CSMD1: variants seen among roughly 807,000 people sequenced by gnomAD.
CSMD1 encodes CUB and Sushi multiple domains 1, also known as CUB and sushi domain-containing protein 1.
CSMD1 carries 213 observed loss-of-function variants against 417.5 expected under a neutral mutation model. That is an observed-to-expected ratio of 0.51 (90% CI 0.46 to 0.57). The LOEUF (loss-of-function observed/expected upper bound fraction) is 0.57, where lower values mean the gene tolerates loss of function less well. Among genes scored for constraint, CSMD1 ranks in the 20% least tolerant of loss-of-function variants. CSMD1 has a pLI of 0.00. For synonymous variants in CSMD1, 2,862 were observed against 1,736.8 expected (o/e 1.65, Z -16.11); for missense variants, 6,923 against 4,529.7 (o/e 1.53, Z -15.17).
intron 3 of CSMD1, among the ~76,000 whole-genome samples, chr8:4,365,864 C>T (rs529689101): frequency 6.6e-6 from 1 of 152,308 alleles, no homozygotes; most frequent in East Asian, 1.9e-4. Flanking sequence ...TAAAAATCTA[C>T]TTAAAGAGTA....
intron 18 of CSMD1, among the ~76,000 whole-genome samples, chr8:3,387,274 GA>G (rs1811061598): frequency 6.6e-6 from 1 of 152,180 alleles, no homozygotes; most frequent in Non-Finnish European, 1.5e-5. Context: ...TTCATTCGGG[GA>G]TAAAGTTGAA....
intron 23 of CSMD1, among the ~76,000 whole-genome samples, chr8:3,311,813 C>G (rs553809770): frequency 1.4e-4 from 21 of 152,108 alleles, no homozygotes; most frequent in Non-Finnish European, 1.0e-4. Context: ...TCACTGGAGA[C>G]ATGTGTAATA....
At chr8:4,610,245 T>C (rs146225312) in intron 2 of CSMD1, among the ~76,000 whole-genome samples, 227 of 152,256 alleles carry the variant, frequency 1.5e-3, no homozygotes, top group African/African-American at 5.0e-3. Flanking sequence ...AAATCCTTCA[T>C]AGAGATCAAG....
chr8:3,332,291 G>C (rs929520468), intron 23 of CSMD1, among the ~76,000 whole-genome samples: 10 of 152,356 alleles, frequency 6.6e-5, no homozygotes, highest in African/African-American at 2.4e-4. Context: ...CTTTGCATGT[G>C]AATAAGACCC....
chr8:3,322,146 G>C (rs17079953), intron 23 of CSMD1, among the ~76,000 whole-genome samples: 2,465 of 152,284 alleles, frequency 0.016, 73 homozygotes, highest in African/African-American at 0.056. Context: ...TGGTCATAAT[G>C]AGTTTGAGGA....
intron 3 of CSMD1, among the ~76,000 whole-genome samples, chr8:4,373,105 A>T (rs1802498240): frequency 6.6e-6 from 1 of 151,850 alleles, no homozygotes; most frequent in Non-Finnish European, 1.5e-5. Context: ...AAAACCCCAA[A>T]CTCCAGTCTC....
At chr8:4,682,866 G>A (rs1012128889) in intron 1 of CSMD1, among the ~76,000 whole-genome samples, 1 of 149,774 alleles carries the variant, frequency 6.7e-6, no homozygotes, top group Non-Finnish European at 1.5e-5. Context: ...CTACTAAATA[G>A]TGACTACATA....
rs117277768 is a variant in CSMD1, at chr8:4,010,855, G to A, written c.611-12745C>T. Among the ~76,000 whole-genome samples the A allele has an allele frequency of 5.9e-5, 9 of 152,244 alleles. No individual in the cohort carries two copies. The South Asian group carries it at 1.9e-3, about 32-fold the overall frequency. ...CCAAGTCCACTTTTATATCCTTGCA[G>A]GTAAAACAGCTGGAGGAATTCCAAA... On this transcript the variant is annotated intron_variant, in intron 4 of 69. Coordinates refer to ENST00000635120, the MANE Select transcript of CSMD1 (RefSeq NM_033225.6).
chr8:4,469,014 A>G (rs1310022362), intron 2 of CSMD1, among the ~76,000 whole-genome samples: 1 of 152,332 alleles, frequency 6.6e-6, no homozygotes, highest in Non-Finnish European at 1.5e-5. Flanking sequence ...AAAGGAAAAA[A>G]AGTTCAAAAG....
intron 5 of CSMD1, among the ~76,000 whole-genome samples, chr8:3,931,127 G>A (rs749082115): frequency 6.6e-6 from 1 of 150,482 alleles, no homozygotes; most frequent in African/African-American, 2.4e-5. Flanking sequence ...ATATTGCAGG[G>A]TAACCATAGA....
At chr8:3,436,108 C>G (rs75095683) in intron 12 of CSMD1, among the ~76,000 whole-genome samples, 4,134 of 152,244 alleles carry the variant, frequency 0.027, 194 homozygotes, top group African/African-American at 0.095. Context: ...GGCTCCCTCA[C>G]TCTCCAGCCC....
At chr8:2,980,183 T>C (rs746876791) in intron 54 of CSMD1, among the ~76,000 whole-genome samples, 24 of 152,234 alleles carry the variant, frequency 1.6e-4, no homozygotes, top group Non-Finnish European at 3.2e-4. Context: ...TCAAACTGTG[T>C]TTGTAATCAA....
chr8:3,786,400 G>C (rs6991444), intron 5 of CSMD1, among the ~76,000 whole-genome samples: 1 of 151,836 alleles, frequency 6.6e-6, no homozygotes, highest in Non-Finnish European at 1.5e-5. Context: ...GAAGAGGATC[G>C]AACAAGAGTT....
intron 1 of CSMD1, among the ~76,000 whole-genome samples, chr8:4,852,625 T>C (rs1457535994): frequency 1.3e-5 from 2 of 152,136 alleles, no homozygotes; most frequent in Admixed American, 6.5e-5. Flanking sequence ...CTTGAAAATA[T>C]GGAAGTGGCT....
chr8:3,435,558 C>T (rs993158076), intron 12 of CSMD1, among the ~76,000 whole-genome samples: 9 of 152,230 alleles, frequency 5.9e-5, no homozygotes, highest in South Asian at 2.1e-4. Flanking sequence ...ATGGAGACTT[C>T]GAATCAGCAC....
At chr8:3,659,528 CT>C (rs2117441373) in intron 7 of CSMD1, among the ~76,000 whole-genome samples, 1 of 152,234 alleles carries the variant, frequency 6.6e-6, no homozygotes, top group Admixed American at 6.5e-5. Context: ...GCCAGCTGTC[CT>C]GGGATGATCC....
chr8:4,399,562 C>T (rs886434221), intron 3 of CSMD1, among the ~76,000 whole-genome samples: 7 of 152,056 alleles, frequency 4.6e-5, no homozygotes, highest in Admixed American at 3.3e-4. Context: ...TGGCATAATC[C>T]CCCTTTTTTG....
chr8:2,950,080 G>T, intron 67 of CSMD1, 151 bp downstream of exon 67: 1 of 582,554 alleles, frequency 1.7e-6, no homozygotes, highest in Non-Finnish European at 3.1e-6. Context: ...GAATAAAATG[G>T]CCACTCTGTC....
chr8:3,654,030 G>C (rs1282517396), intron 7 of CSMD1, among the ~76,000 whole-genome samples: 1 of 152,092 alleles, frequency 6.6e-6, no homozygotes, highest in African/African-American at 2.4e-5. Flanking sequence ...ACTGCTTGGA[G>C]GGGCCAACTG....
Sources: gnomAD v4.1 joint callset for allele counts (sites outside exome capture counted in the v4.1 genomes callset) on GRCh38, gnomAD v4.1.1 for gene constraint, MANE v1.5 for transcripts, NCBI Gene and HGNC (gene_info 2026-07-23, HGNC 2026-07-21) for gene names.